STK33: variants seen among roughly 807,000 people sequenced by gnomAD.
STK33 encodes serine/threonine kinase 33.
STK33 carries 52 observed loss-of-function variants against 58.0 expected under a neutral mutation model. The observed-to-expected ratio is 0.90, with a 90% CI of 0.72 to 1.13. The LOEUF (loss-of-function observed/expected upper bound fraction) is 1.13, where lower values mean the gene tolerates loss of function less well. Ranked by LOEUF, STK33 falls within the 50% of genes most tolerant of loss-of-function variation. The pLI is 0.00. For synonymous variants in STK33, 215 were observed against 200.1 expected (o/e 1.07, Z -0.63); for missense variants, 630 against 604.2 (o/e 1.04, Z -0.45).
intron 6 of STK33, among the ~76,000 whole-genome samples, chr11:8,469,235 C>T (rs1342323673): frequency 2.0e-5 from 3 of 152,242 alleles, no homozygotes; most frequent in African/African-American, 7.2e-5. Context: ...TCCTCTCAAA[C>T]CCTGCCACTG....
rs61429377 is a variant in STK33, at chr11:8,534,532, T to TTCTCTCTCTC, written c.-465-53928_-465-53919dup. Among the ~76,000 whole-genome samples, 26 of 122,516 alleles carry TTCTCTCTCTC rather than the reference T, an allele frequency of 2.1e-4. 1 individual carries two copies. The highest frequency in any genetic ancestry group is 7.9e-4 in the African/African-American group (25 of 31,498). The allele number at this position is 122,516 out of a possible 152,430, so 80.4% of individuals were successfully genotyped here. A position where few individuals can be genotyped will look rare whatever the true frequency, so the allele number is the denominator to read the frequency against. ...AACTTGTTCCAGCAAGTATATATAT[T>TTCTCTCTCTC]TCTCTCTCTCTCTCTCTCTCTCTCT... On this transcript the variant is annotated intron_variant, in intron 1 of 15. Coordinates refer to ENST00000687296, the MANE Select transcript of STK33 (RefSeq NM_001352389.2).
chr11:8,558,654 C>T (rs1956928750), intron 1 of STK33, among the ~76,000 whole-genome samples: 1 of 151,988 alleles, frequency 6.6e-6, no homozygotes, highest in African/African-American at 2.4e-5. Context: ...TTGTGGTGAA[C>T]TGAGGTAGCT....
intron 1 of STK33, among the ~76,000 whole-genome samples, chr11:8,556,667 T>C (rs1019961988): frequency 1.3e-5 from 2 of 152,236 alleles, no homozygotes; most frequent in Non-Finnish European, 2.9e-5. Flanking sequence ...ACTTGTACAC[T>C]TTCTTCATAG....
At chr11:8,457,764 A>G (rs935748701) in intron 8 of STK33, among the ~76,000 whole-genome samples, 1 of 152,236 alleles carries the variant, frequency 6.6e-6, no homozygotes, top group African/African-American at 2.4e-5. Flanking sequence ...GCCTCTGTCT[A>G]AAGAATGCCC....
the STK33 span, among the ~76,000 whole-genome samples, chr11:8,335,139 G>A: frequency 3.9e-5 from 6 of 152,298 alleles, no homozygotes; most frequent in Non-Finnish European, 7.4e-5. Flanking sequence ...ACCGCAGCCT[G>A]CAAATCGCAG....
intron 14 of STK33, among the ~76,000 whole-genome samples, chr11:8,422,968 A>G: frequency 6.6e-6 from 1 of 150,534 alleles, no homozygotes; most frequent in East Asian, 2.0e-4. Flanking sequence ...TGGGACTACT[A>G]CTAAAACTCA....
intron 11 of STK33, among the ~76,000 whole-genome samples, chr11:8,451,611 A>C (rs1224603773): frequency 6.6e-6 from 1 of 152,226 alleles, no homozygotes; most frequent in Non-Finnish European, 1.5e-5. Context: ...GGATAGGAAT[A>C]AGATTGAGTA....
chr11:8,379,700 T>C, the STK33 span, among the ~76,000 whole-genome samples: 1 of 152,194 alleles, frequency 6.6e-6, no homozygotes, highest in Non-Finnish European at 1.5e-5. Flanking sequence ...GGGCGCTTTG[T>C]TGTACAGATT....
chr11:8,359,080 CG>C, the STK33 span, among the ~76,000 whole-genome samples: 1 of 152,272 alleles, frequency 6.6e-6, no homozygotes. Context: ...TGTCCAATAC[CG>C]GCCTGTCATC....
At chr11:8,464,649 G>T (rs889326482) in intron 7 of STK33, 60 bp downstream of exon 7, 2 of 1,261,256 alleles carry the variant, frequency 1.6e-6, no homozygotes, top group Non-Finnish European at 2.3e-6. Flanking sequence ...AAGCTGTACT[G>T]TCCACACCCA....
At chr11:8,558,062 C>A (rs574123287) in intron 1 of STK33, among the ~76,000 whole-genome samples, 39 of 152,226 alleles carry the variant, frequency 2.6e-4, no homozygotes, top group Non-Finnish European at 5.0e-4. Context: ...AAGCCCTAAC[C>A]AACTGCCAAC....
At chr11:8,535,097 A>G (rs1206584032) in intron 1 of STK33, among the ~76,000 whole-genome samples, 3 of 152,174 alleles carry the variant, frequency 2.0e-5, no homozygotes, top group Non-Finnish European at 2.9e-5. Context: ...ACGAGAGAAC[A>G]TGGATATTCT....
intron 1 of STK33, among the ~76,000 whole-genome samples, chr11:8,506,955 GTAGATTA>G (rs1951908414): frequency 6.6e-6 from 1 of 152,130 alleles, no homozygotes; most frequent in Admixed American, 6.5e-5. Flanking sequence ...ATCCTATACA[GTAGATTA>G]TACTTCAGAT....
At chr11:8,591,219 T>C (rs1591948854) in intron 1 of STK33, among the ~76,000 whole-genome samples, 1 of 152,190 alleles carries the variant, frequency 6.6e-6, no homozygotes, top group Admixed American at 6.5e-5. Context: ...CAAGGACACA[T>C]GAAGAAGACA....
chr11:8,506,337 G>T (rs1174898363), intron 1 of STK33, among the ~76,000 whole-genome samples: 1 of 152,118 alleles, frequency 6.6e-6, no homozygotes, highest in Non-Finnish European at 1.5e-5. Flanking sequence ...TTGATAATTT[G>T]GGCAGTACTA....
At chr11:8,491,343 A>C (rs781032020) in intron 1 of STK33, among the ~76,000 whole-genome samples, 4 of 152,254 alleles carry the variant, frequency 2.6e-5, no homozygotes, top group Non-Finnish European at 5.9e-5. Flanking sequence ...AAAGGGTATC[A>C]GTGACTGAAG....
At chr11:8,489,833 C>T (rs535339198) in intron 1 of STK33, among the ~76,000 whole-genome samples, 12 of 152,096 alleles carry the variant, frequency 7.9e-5, no homozygotes, top group Non-Finnish European at 1.8e-4. Flanking sequence ...TTCACTACAG[C>T]GGCTCAACTG....
intron 15 of STK33, among the ~76,000 whole-genome samples, chr11:8,401,459 A>C (rs1937934477): frequency 6.6e-6 from 1 of 152,224 alleles, no homozygotes; most frequent in Non-Finnish European, 1.5e-5. Context: ...ACCTCATATA[A>C]AAATTAATTC....
intron 1 of STK33, among the ~76,000 whole-genome samples, chr11:8,500,656 C>G (rs1336929057): frequency 6.6e-6 from 1 of 152,116 alleles, no homozygotes; most frequent in Non-Finnish European, 1.5e-5. Context: ...GAAATTCCAT[C>G]TACCTATTTG....
Sources: gnomAD v4.1 joint callset for allele counts (sites outside exome capture counted in the v4.1 genomes callset) on GRCh38, gnomAD v4.1.1 for gene constraint, MANE v1.5 for transcripts, NCBI Gene and HGNC (gene_info 2026-07-23, HGNC 2026-07-21) for gene names.